FGFR2: variants seen among roughly 807,000 people sequenced by gnomAD.
FGFR2 encodes BEK fibroblast growth factor receptor.
A neutral mutation model predicts 95.9 loss-of-function variants in FGFR2; 19 were observed. The observed-to-expected ratio is 0.20, with a 90% CI of 0.14 to 0.29. FGFR2 has a LOEUF of 0.29. Among genes scored for constraint, FGFR2 ranks in the 10% least tolerant of loss-of-function variants. The probability of loss-of-function intolerance (pLI) is 1.00; values close to 1 mark genes in which losing one functional copy is unlikely to be tolerated. For missense variants in FGFR2, 707 were observed against 1,056.9 expected (o/e 0.67, Z 4.59); for synonymous variants, 392 against 393.3 (o/e 1.00, Z 0.04).
intron 2 of FGFR2, among the ~76,000 whole-genome samples, chr10:121,588,962 G>GA (rs1337470104): frequency 1.3e-5 from 2 of 149,636 alleles, no homozygotes; most frequent in East Asian, 1.9e-4. Context: ...ATCTCTCAAG[G>GA]AAAAAAAAAT....
chr10:121,500,114 T>G (rs1374147301), intron 11 of FGFR2, among the ~76,000 whole-genome samples: 2 of 152,246 alleles, frequency 1.3e-5, no homozygotes, highest in African/African-American at 4.8e-5. Flanking sequence ...GACAGTTCCC[T>G]ATAACTCTTC....
At chr10:121,583,178 C>T (rs1861219636) in intron 2 of FGFR2, 1 of 152,178 alleles carries the variant, frequency 6.6e-6, no homozygotes, top group Non-Finnish European at 1.5e-5. Context: ...TTAGAAGGGT[C>T]AGGTAGTCCT....
chr10:121,509,213 A>T (rs1163396340), intron 9 of FGFR2, among the ~76,000 whole-genome samples: 2 of 152,204 alleles, frequency 1.3e-5, no homozygotes, highest in African/African-American at 2.4e-5. Flanking sequence ...TGAGTTACTT[A>T]TAAACAATCA....
rs1486017360 is a variant in FGFR2 at position 121,577,159 on chromosome 10, AT to A, written c.110-11456del. Among the ~76,000 whole-genome samples the A allele has an allele frequency of 1.7e-3, 26 of 15,722 alleles. 1 individual carries two copies. The highest frequency in any genetic ancestry group is 4.8e-3 in the African/African-American group (21 of 4,416). The allele number at this position is 15,722 out of a possible 152,430, so 10.3% of individuals were successfully genotyped here. A position where few individuals can be genotyped will look rare whatever the true frequency, so the allele number is the denominator to read the frequency against. ...CAAAAAAAAAAAAAAAAAAAAAAAA[AT>A]ATATATATATATATATATAGAGAGA... On this transcript the variant is annotated intron_variant, in intron 2 of 17. Transcript: ENST00000358487.
At chr10:121,591,009 A>ACTCT (rs58728046) in intron 2 of FGFR2, among the ~76,000 whole-genome samples, 10 of 142,620 alleles carry the variant, frequency 7.0e-5, no homozygotes, top group African/African-American at 2.4e-4. Flanking sequence ...ACACACACGC[A>ACTCT]CACTCTCTCT....
chr10:121,529,861 C>T (rs529498882), intron 6 of FGFR2, among the ~76,000 whole-genome samples: 485 of 152,298 alleles, frequency 3.2e-3, no homozygotes, highest in Admixed American at 4.2e-3. Context: ...GAGCGTGCCA[C>T]GTGCTTCAAG....
At chr10:121,578,648 G>T (rs1860324255) in intron 2 of FGFR2, among the ~76,000 whole-genome samples, 1 of 152,222 alleles carries the variant, frequency 6.6e-6, no homozygotes, top group Non-Finnish European at 1.5e-5. Flanking sequence ...TGTGGCTTAC[G>T]CCTGTAATCC....
chr10:121,520,949 C>G (rs1420267088), intron 6 of FGFR2, among the ~76,000 whole-genome samples: 1 of 152,216 alleles, frequency 6.6e-6, no homozygotes, highest in Non-Finnish European at 1.5e-5. Flanking sequence ...GGCTCCAGTA[C>G]ATTTCTAAGA....
At chr10:121,497,807 G>A (rs769608545) in intron 12 of FGFR2, among the ~76,000 whole-genome samples, 7 of 152,248 alleles carry the variant, frequency 4.6e-5, no homozygotes, top group East Asian at 1.9e-4. Flanking sequence ...TGGCAGACAC[G>A]AGAAGTTGCG....
chr10:121,479,581 C>G lies in FGFR2; in HGVS notation c.*276G>C. ...GCAGAACGCACGTCCACCTTGAGTCCTACTGGTCCACAGCCAGTACGCACG... is the reference window on the plus strand; with the variant it reads ...GCAGAACGCACGTCCACCTTGAGTCGTACTGGTCCACAGCCAGTACGCACG... On this transcript the variant is annotated 3_prime_UTR_variant, in exon 18 of 18. Coordinates refer to ENST00000358487, the MANE Select transcript of FGFR2 (RefSeq NM_000141.5). The G allele has an allele frequency of 6.5e-7, 1 of 1,548,570 alleles. No individual in the cohort carries two copies. The highest frequency in any genetic ancestry group is 1.2e-5 in the South Asian group (1 of 83,498).
At chr10:121,558,699 C>T (rs189036999) in intron 4 of FGFR2, among the ~76,000 whole-genome samples, 176 of 151,892 alleles carry the variant, frequency 1.2e-3, no homozygotes, top group African/African-American at 3.9e-3. Flanking sequence ...CCTCCACTTC[C>T]CGGGTTCAAG....
At position 121,579,816 on chromosome 10, in the gene FGFR2, G is replaced by C. The variant is rs56350408; in HGVS notation, c.109+13893C>G. 7.3e-3 allele frequency among the ~76,000 whole-genome samples: 1,107 copies of C among 152,210 alleles called. 12 individuals are homozygous for C. The highest frequency in any genetic ancestry group is 0.025 in the African/African-American group (1,043 of 41,524). On this transcript the variant is annotated intron_variant, in intron 2 of 17. Coordinates refer to ENST00000358487, the MANE Select transcript of FGFR2 (RefSeq NM_000141.5). ...GCCTCACGCAGTCCACAGAGCTAAG[G>C]GCCTGCGTTACTGCGAGTTGGGGCG...
intron 1 of FGFR2, among the ~76,000 whole-genome samples, chr10:121,596,859 A>C (rs1041072566): frequency 6.6e-6 from 1 of 152,054 alleles, no homozygotes. Context: ...TTTAATTGAC[A>C]TTCCAGGGAA....
chr10:121,564,624 CA>C, intron 3 of FGFR2, 45 bp from the exon 4 acceptor site: 1 of 1,584,296 alleles, frequency 6.3e-7, no homozygotes. Flanking sequence ...TTTTGCAAAG[CA>C]AAAAGGTTGC....
intron 6 of FGFR2, among the ~76,000 whole-genome samples, chr10:121,528,677 CT>C (rs1851702086): frequency 6.6e-6 from 1 of 152,180 alleles, no homozygotes; most frequent in Admixed American, 6.5e-5. Context: ...CATTTGTTTT[CT>C]TGGAGATGAA....
At chr10:121,588,427 TG>T (rs2135430757) in intron 2 of FGFR2, among the ~76,000 whole-genome samples, 1 of 151,748 alleles carries the variant, frequency 6.6e-6, no homozygotes, top group African/African-American at 2.4e-5. Context: ...AAAAAGAACT[TG>T]GCCTCAAGTT....
intron 5 of FGFR2, among the ~76,000 whole-genome samples, chr10:121,548,247 T>TTTTTTTTTTTTTTTTTTTTTTTTTTTTTC (rs1854839844): frequency 4.8e-5 from 1 of 20,896 alleles, no homozygotes; most frequent in Non-Finnish European, 8.7e-5. Flanking sequence ...CTTTTGGCCT[T>TTTTTTTTTTTTTTTTTTTTTTTTTTTTTC]TTTTTTTTTT....
rs939404675 is a variant in FGFR2, at chr10:121,552,822, T to C, written c.455-1363A>G. ...ACAGCCACCAACAGGGACTTGAACATTGTAGAAGGCTAATTCATAACTATG... is the reference window on the plus strand; with the variant it reads ...ACAGCCACCAACAGGGACTTGAACACTGTAGAAGGCTAATTCATAACTATG... On this transcript the variant is annotated intron_variant, in intron 4 of 17. Transcript: ENST00000358487. Among the ~76,000 whole-genome samples the C allele has an allele frequency of 2.0e-5, 3 of 152,316 alleles. No homozygotes were observed. In the South Asian group the frequency reaches 6.2e-4, roughly 32 times the overall value.
intron 4 of FGFR2, among the ~76,000 whole-genome samples, chr10:121,553,303 C>G (rs998193705): frequency 1.3e-5 from 2 of 152,154 alleles, no homozygotes; most frequent in African/African-American, 4.8e-5. Flanking sequence ...TCCTTTGAAT[C>G]CAGTTGCATT....
Sources: gnomAD v4.1 joint callset for allele counts (sites outside exome capture counted in the v4.1 genomes callset) on GRCh38, gnomAD v4.1.1 for gene constraint, MANE v1.5 for transcripts, NCBI Gene and HGNC (gene_info 2026-07-23, HGNC 2026-07-21) for gene names.